The following SLC8A1 variants were observed in gnomAD, a reference collection of about 807,000 sequenced individuals.
The protein encoded by SLC8A1 is sodium/calcium exchanger 1.
In SLC8A1, 18 loss-of-function variants were observed where a neutral mutation model predicts 68.3. That is an observed-to-expected ratio of 0.26 (90% CI 0.18 to 0.39). SLC8A1 has a LOEUF of 0.39. Ranked by LOEUF, SLC8A1 falls within the 10% of genes least tolerant of loss-of-function variation. SLC8A1 has a pLI of 1.00. For missense variants in SLC8A1, 985 were observed against 1,156.7 expected (o/e 0.85, Z 2.15); for synonymous variants, 475 against 415.5 (o/e 1.14, Z -1.74).
At chr2:40,457,284 T>C (rs1329561021) in intron 1 of SLC8A1, among the ~76,000 whole-genome samples, 1 of 152,216 alleles carries the variant, frequency 6.6e-6, no homozygotes, top group Non-Finnish European at 1.5e-5. Context: ...GGGTGCTTTG[T>C]ACCAGGCAGT....
intron 6 of SLC8A1, among the ~76,000 whole-genome samples, chr2:40,150,335 G>T (rs1183307430): frequency 6.6e-6 from 1 of 152,168 alleles, no homozygotes. Context: ...CTTTTATGTG[G>T]CTCCTCTCTG....
chr2:40,162,224 C>A (rs2045813247), intron 5 of SLC8A1, among the ~76,000 whole-genome samples: 1 of 152,212 alleles, frequency 6.6e-6, no homozygotes, highest in East Asian at 1.9e-4. Context: ...TCTTGGCCAC[C>A]ATAACTTGAA....
intron 1 of SLC8A1, among the ~76,000 whole-genome samples, chr2:40,496,432 T>G (rs1167019430): frequency 1.3e-5 from 2 of 152,112 alleles, no homozygotes; most frequent in African/African-American, 4.8e-5. Flanking sequence ...AAGATCTGAA[T>G]AATGTTGCTA....
chr2:40,444,927 C>T (rs571345929), intron 1 of SLC8A1, among the ~76,000 whole-genome samples: 37 of 152,140 alleles, frequency 2.4e-4, no homozygotes, highest in Non-Finnish European at 4.4e-4. Context: ...TGCCATTTTG[C>T]GTGTACTTAT....
intron 2 of SLC8A1, among the ~76,000 whole-genome samples, chr2:40,381,944 T>C (rs916153557): frequency 2.0e-5 from 3 of 151,970 alleles, no homozygotes; most frequent in Admixed American, 6.6e-5. Flanking sequence ...ACAAACCCGA[T>C]TTTAGTCAGT....
At chr2:40,276,842 C>A (rs1434380013) in intron 2 of SLC8A1, among the ~76,000 whole-genome samples, 1 of 152,140 alleles carries the variant, frequency 6.6e-6, no homozygotes, top group South Asian at 2.1e-4. Context: ...AAATGATTTA[C>A]ATTTGTTGTG....
rs184680679 is a variant in SLC8A1, at chr2:40,224,226, C to T, written c.1809-46371G>A. On this transcript the variant is annotated intron_variant, in intron 2 of 7. Coordinates refer to ENST00000406785, the Ensembl canonical transcript of SLC8A1. ...CGTATAGGCTTGGGATGAGATGAGG[C>T]TGTCTAGTATGGGTTGGCATCCTGG... 2.8e-3 allele frequency among the ~76,000 whole-genome samples: 432 copies of T among 152,154 alleles called. 2 individuals carry two copies. Among genetic ancestry groups the T allele is most frequent in the African/African-American group, 9.5e-3 (393 of 41,504 alleles).
chr2:40,498,022 G>A (rs1705820765), intron 1 of SLC8A1, among the ~76,000 whole-genome samples: 1 of 151,946 alleles, frequency 6.6e-6, no homozygotes, highest in African/African-American at 2.4e-5. Flanking sequence ...ATGAACTATT[G>A]GATTTTGGGA....
chr2:40,263,330 G>C (rs2064948644), intron 2 of SLC8A1, among the ~76,000 whole-genome samples: 1 of 152,152 alleles, frequency 6.6e-6, no homozygotes, highest in South Asian at 2.1e-4. Flanking sequence ...AGTGCTAGCT[G>C]TAATTCAATT....
intron 2 of SLC8A1, among the ~76,000 whole-genome samples, chr2:40,295,723 T>A (rs757382416): frequency 7.2e-5 from 11 of 152,178 alleles, no homozygotes; most frequent in Non-Finnish European, 1.3e-4. Flanking sequence ...AGTGATAATG[T>A]GATTGAAAGA....
At chr2:40,353,780 C>T (rs1007897959) in intron 2 of SLC8A1, among the ~76,000 whole-genome samples, 1 of 152,156 alleles carries the variant, frequency 6.6e-6, no homozygotes, top group African/African-American at 2.4e-5. Flanking sequence ...CCCAATCCAT[C>T]CACAATGGCA....
chr2:40,357,258 G>A lies in SLC8A1; in HGVS notation c.1808+71215C>T, dbSNP rs549728980. Reference sequence around the variant, plus strand: ...TCTAATCTCAGCACTTTGGGAGGCCGAAGCAGGAGGATCCCTTGAGCCCAG... The same window carrying A: ...TCTAATCTCAGCACTTTGGGAGGCCAAAGCAGGAGGATCCCTTGAGCCCAG... On this transcript the variant is annotated intron_variant, in intron 2 of 7. Coordinates refer to ENST00000406785, the Ensembl canonical transcript of SLC8A1. 4.0e-4 allele frequency among the ~76,000 whole-genome samples: 61 copies of A among 152,198 alleles called. No individual in the cohort carries two copies. The South Asian group carries it at 7.5e-3, about 19-fold the overall frequency.
intron 3 of SLC8A1, 44 bp from the exon 4 acceptor site, chr2:40,175,325 G>T: frequency 6.3e-7 from 1 of 1,586,196 alleles, no homozygotes; most frequent in Non-Finnish European, 8.6e-7. Context: ...TAAGAGACCA[G>T]ATGAATAATG....
chr2:40,306,109 C>G (rs1285337647), intron 2 of SLC8A1, among the ~76,000 whole-genome samples: 1 of 152,170 alleles, frequency 6.6e-6, no homozygotes, highest in African/African-American at 2.4e-5. Flanking sequence ...TTTGACATCT[C>G]ACCATGCATA....
At chr2:40,502,648 A>T (rs1706122482) in intron 1 of SLC8A1, among the ~76,000 whole-genome samples, 1 of 152,086 alleles carries the variant, frequency 6.6e-6, no homozygotes, top group African/African-American at 2.4e-5. Context: ...AAATACTTTC[A>T]TGTGACTTTG....
upstream of SLC8A1, among the ~76,000 whole-genome samples, chr2:40,457,002 A>G (rs202183145): frequency 1.1e-4 from 16 of 152,240 alleles, no homozygotes; most frequent in East Asian, 3.1e-3. Flanking sequence ...GGGGCAATGA[A>G]TTCTTCTCTC....
At chr2:40,505,673 C>T (rs1275619356) in intron 1 of SLC8A1, among the ~76,000 whole-genome samples, 1 of 152,028 alleles carries the variant, frequency 6.6e-6, no homozygotes, top group East Asian at 1.9e-4. Flanking sequence ...GCAATTGTCA[C>T]TCCCCAACAA....
intron 1 of SLC8A1, among the ~76,000 whole-genome samples, chr2:40,482,480 T>A (rs116356760): frequency 0.014 from 2,079 of 152,310 alleles, 38 homozygotes; most frequent in African/African-American, 0.047. Context: ...AAGGAACTCA[T>A]GTCTTTAGGG....
intron 2 of SLC8A1, among the ~76,000 whole-genome samples, chr2:40,291,258 T>A (rs562164996): frequency 3.3e-5 from 5 of 152,276 alleles, no homozygotes; most frequent in African/African-American, 1.2e-4. Flanking sequence ...CACAGATGAA[T>A]ATTGAGAAGG....
Sources: allele counts gnomAD v4.1 joint callset (sites outside exome capture counted in the v4.1 genomes callset), GRCh38; gene constraint gnomAD v4.1.1; transcripts MANE v1.5; gene names NCBI Gene and HGNC (gene_info 2026-07-23, HGNC 2026-07-21).